PCDH15: variants seen among roughly 807,000 people sequenced by gnomAD.
PCDH15 encodes protocadherin-15.
In PCDH15, 129 loss-of-function variants were observed where a neutral mutation model predicts 178.5. That is an observed-to-expected ratio of 0.72 (90% CI 0.63 to 0.84). PCDH15 has a LOEUF of 0.84. PCDH15 is among the 40% of genes least tolerant of loss of function. The pLI is 0.00. For synonymous variants in PCDH15, 800 were observed against 732.0 expected, an observed-to-expected ratio of 1.09 and a Z score of -1.50; for missense variants, 2,230 against 2,099.9, an observed-to-expected ratio of 1.06 and a Z score of -1.21.
chr10:54,151,938 G>A (rs1446349996), intron 14 of PCDH15, among the ~76,000 whole-genome samples: 1 of 152,136 alleles, frequency 6.6e-6, no homozygotes, highest in Non-Finnish European at 1.5e-5. Flanking sequence ...CATTAAAATT[G>A]TGTGGTAATA....
intron 2 of PCDH15, among the ~76,000 whole-genome samples, chr10:55,391,379 G>C (rs1028040433): frequency 2.0e-5 from 3 of 151,928 alleles, no homozygotes; most frequent in Non-Finnish European, 4.4e-5. Context: ...AGTCAATGTT[G>C]GATTGGTTTG....
chr10:53,876,290 C>T (rs573642497), intron 26 of PCDH15, among the ~76,000 whole-genome samples: 4 of 151,442 alleles, frequency 2.6e-5, no homozygotes, highest in South Asian at 2.1e-4. Flanking sequence ...CGGGTTCAAG[C>T]GATTCCCCTG....
chr10:53,829,099 T>C (rs2076875025), intron 30 of PCDH15, among the ~76,000 whole-genome samples: 1 of 152,220 alleles, frequency 6.6e-6, no homozygotes, highest in South Asian at 2.1e-4. Context: ...CAAAGGCATA[T>C]CATTATATAA....
At chr10:54,756,450 C>G (rs4378298) in intron 1 of PCDH15, among the ~76,000 whole-genome samples, 32,128 of 151,844 alleles carry the variant, frequency 0.21, 3,907 homozygotes, top group East Asian at 0.48. Context: ...TTGTTTGGCT[C>G]TCTGCTCAAA....
intron 13 of PCDH15, among the ~76,000 whole-genome samples, chr10:54,158,156 C>T (rs946578990): frequency 1.3e-5 from 2 of 152,148 alleles, no homozygotes; most frequent in African/African-American, 4.8e-5. Context: ...TTTTCAGCAT[C>T]ACCCCACTCT....
Position 53,806,473 on chromosome 10 carries a change from G to C in PCDH15, c.*106C>G. ...AGCATATTGTTCAAAGTTTTAGCTT[G>C]TGTGCATGATATAAATTCCATACAT... On this transcript the variant is annotated 3_prime_UTR_variant, in exon 38 of 38. Coordinates refer to ENST00000644397, the MANE Select transcript of PCDH15 (RefSeq NM_001384140.1). 1.0e-6 allele frequency: 1 copy of C among 953,868 alleles called. No individual in the cohort carries two copies. Among genetic ancestry groups the C allele is most frequent in the Non-Finnish European group, 1.5e-6 (1 of 653,282 alleles). The allele number at this position is 953,868 out of a possible 1,614,324, so 59.1% of individuals were successfully genotyped here. A position where few individuals can be genotyped will look rare whatever the true frequency, so the allele number is the denominator to read the frequency against.
chr10:55,290,198 A>G (rs1424430275), intron 1 of PCDH15, among the ~76,000 whole-genome samples: 1 of 151,940 alleles, frequency 6.6e-6, no homozygotes. Context: ...TGTGAATTGA[A>G]TTGTGTCCCT....
At chr10:55,362,273 G>T (rs1483330560) in intron 2 of PCDH15, among the ~76,000 whole-genome samples, 1 of 151,854 alleles carries the variant, frequency 6.6e-6, no homozygotes, top group Non-Finnish European at 1.5e-5. Flanking sequence ...TTTTTATTTT[G>T]CAGAATTTCA....
intron 3 of PCDH15, among the ~76,000 whole-genome samples, chr10:54,893,475 T>G (rs989117522): frequency 6.6e-6 from 1 of 152,126 alleles, no homozygotes; most frequent in African/African-American, 2.4e-5. Flanking sequence ...TATCTCCATA[T>G]TCTCACTGAT....
intron 8 of PCDH15, among the ~76,000 whole-genome samples, chr10:54,270,618 T>G (rs2057986964): frequency 6.6e-6 from 1 of 152,146 alleles, no homozygotes; most frequent in Non-Finnish European, 1.5e-5. Context: ...TAATGAGAGT[T>G]GTATAAATGT....
chr10:54,538,411 G>A (rs1388108538), intron 2 of PCDH15, among the ~76,000 whole-genome samples: 2 of 152,172 alleles, frequency 1.3e-5, no homozygotes, highest in Admixed American at 1.3e-4. Flanking sequence ...TCAAAAATCA[G>A]ATGATTGTAG....
chr10:55,016,666 T>C (rs1012128456), intron 2 of PCDH15, among the ~76,000 whole-genome samples: 2 of 152,170 alleles, frequency 1.3e-5, no homozygotes, highest in Non-Finnish European at 2.9e-5. Flanking sequence ...TGGACACAGG[T>C]TGCTTCCAAA....
intron 2 of PCDH15, among the ~76,000 whole-genome samples, chr10:55,479,905 T>G (rs868568843): frequency 6.6e-5 from 10 of 151,780 alleles, no homozygotes; most frequent in South Asian, 2.1e-4. Context: ...TAATCTCATT[T>G]ACAATAGCTG....
chr10:55,519,780 T>C (rs1313795225), intron 2 of PCDH15, among the ~76,000 whole-genome samples: 3 of 151,552 alleles, frequency 2.0e-5, no homozygotes, highest in African/African-American at 7.3e-5. Context: ...ATTAAAAGCA[T>C]TGTTTCTCTC....
intron 2 of PCDH15, among the ~76,000 whole-genome samples, chr10:55,124,829 CAACT>C (rs1343237443): frequency 6.6e-6 from 1 of 151,930 alleles, no homozygotes; most frequent in Non-Finnish European, 1.5e-5. Context: ...TCAATGGCAC[CAACT>C]GACAGGTGTA....
At position 55,542,600 on chromosome 10, in the gene PCDH15, T is replaced by C. The variant is rs561336613; in HGVS notation, c.-156+85025A>G. Among the ~76,000 whole-genome samples the C allele has an allele frequency of 2.2e-3, 329 of 148,036 alleles. 4 individuals are homozygous for C. Among genetic ancestry groups the C allele is most frequent in the African/African-American group, 7.9e-3 (318 of 40,198 alleles). On this transcript the variant is annotated intron_variant, in intron 2 of 5. Transcript: ENST00000613346. ...ATATGTATGTGTCTATATAGGTACA[T>C]ACAGACATATGTATGTGTCTATATA...
At chr10:55,205,813 C>G (rs7911234) in intron 1 of PCDH15, among the ~76,000 whole-genome samples, 19 of 151,860 alleles carry the variant, frequency 1.3e-4, no homozygotes, top group African/African-American at 4.1e-4. Flanking sequence ...GGGCAATTTA[C>G]AAAAGAAAGA....
intron 2 of PCDH15, among the ~76,000 whole-genome samples, chr10:54,947,084 GTTAA>G (rs1456370013): frequency 1.3e-5 from 2 of 151,752 alleles, no homozygotes; most frequent in Non-Finnish European, 2.9e-5. Flanking sequence ...ATGTTTATTT[GTTAA>G]TTAATTGCAA....
At chr10:54,663,809 T>C (rs1449979718) in intron 2 of PCDH15, among the ~76,000 whole-genome samples, 1 of 151,894 alleles carries the variant, frequency 6.6e-6, no homozygotes, top group Non-Finnish European at 1.5e-5. Flanking sequence ...TGTTGTCTTT[T>C]GTATTTCTAG....
Sources: allele counts gnomAD v4.1 joint callset (sites outside exome capture counted in the v4.1 genomes callset), GRCh38; gene constraint gnomAD v4.1.1; transcripts MANE v1.5; gene names NCBI Gene and HGNC (gene_info 2026-07-23, HGNC 2026-07-21).